Variants in ARHGAP15 observed in about 807,000 individuals in gnomAD.
ARHGAP15 encodes the protein rho GTPase-activating protein 15.
ARHGAP15 carries 51 observed loss-of-function variants against 63.7 expected under a neutral mutation model. The ratio of observed to expected loss-of-function variants is 0.80; its 90% CI spans 0.64 to 1.01. ARHGAP15 has a LOEUF of 1.01. Ranked by LOEUF, ARHGAP15 falls within the 50% of genes least tolerant of loss-of-function variation. ARHGAP15 has a pLI of 0.00. For synonymous variants in ARHGAP15, 191 were observed against 193.8 expected (o/e 0.99, Z 0.12); for missense variants, 560 against 564.6 (o/e 0.99, Z 0.08).
chr2:143,568,389 T>C (rs1696320222), intron 11 of ARHGAP15, among the ~76,000 whole-genome samples: 1 of 152,194 alleles, frequency 6.6e-6, no homozygotes, highest in Non-Finnish European at 1.5e-5. Context: ...AAGACATTCA[T>C]GTAGCCAACA....
At chr2:143,703,712 A>C in intron 13 of ARHGAP15, 188 bp downstream of exon 13, 3 of 482,692 alleles carry the variant, frequency 6.2e-6, no homozygotes. Context: ...CTACAAAAGG[A>C]ACTTCTGAAA....
intron 1 of ARHGAP15, among the ~76,000 whole-genome samples, chr2:143,130,111 TCA>T (rs1688861894): frequency 1.3e-5 from 2 of 152,174 alleles, no homozygotes; most frequent in African/African-American, 4.8e-5. Context: ...AAAAAAGAAG[TCA>T]CAGCTGATTT....
At chr2:143,741,576 T>G (rs1559155676) in intron 13 of ARHGAP15, among the ~76,000 whole-genome samples, 1 of 152,258 alleles carries the variant, frequency 6.6e-6, no homozygotes. Context: ...TAAAAGAGTT[T>G]AGTTTGAAAG....
intron 5 of ARHGAP15, among the ~76,000 whole-genome samples, chr2:143,246,830 T>C (rs1195249312): frequency 3.9e-5 from 6 of 152,114 alleles, no homozygotes; most frequent in Non-Finnish European, 2.9e-5. Context: ...AAATGGAATC[T>C]GTCAGATGAG....
intron 6 of ARHGAP15, among the ~76,000 whole-genome samples, chr2:143,332,368 A>T (rs576142845): frequency 2.0e-4 from 31 of 152,194 alleles, no homozygotes; most frequent in South Asian, 1.9e-3. Flanking sequence ...AAGTACAGAC[A>T]TCCTCATATT....
At chr2:143,244,750 A>C (rs921005503) in intron 5 of ARHGAP15, among the ~76,000 whole-genome samples, 2 of 152,194 alleles carry the variant, frequency 1.3e-5, no homozygotes, top group African/African-American at 4.8e-5. Context: ...TGAACGAAAA[A>C]AGGTCAAAAT....
chr2:143,560,737 A>C (rs1331865661), intron 11 of ARHGAP15, among the ~76,000 whole-genome samples: 1 of 152,274 alleles, frequency 6.6e-6, no homozygotes. Flanking sequence ...GTTAGGAAGA[A>C]GCCTGGCATT....
At chr2:143,216,539 A>G (rs1304520980) in intron 4 of ARHGAP15, 94 bp downstream of exon 4, 2 of 872,726 alleles carry the variant, frequency 2.3e-6, no homozygotes, top group Non-Finnish European at 3.7e-6. Context: ...GCAAGTCCCT[A>G]TGGTACCAGA....
intron 9 of ARHGAP15, 124 bp downstream of exon 9, chr2:143,487,619 C>T (rs892381331): frequency 4.2e-5 from 49 of 1,154,476 alleles, no homozygotes; most frequent in Non-Finnish European, 5.6e-5. Context: ...ATTAAATTTT[C>T]TACTCTGTAA....
intron 2 of ARHGAP15, among the ~76,000 whole-genome samples, chr2:143,175,231 G>A (rs574211710): frequency 2.0e-5 from 3 of 152,116 alleles, no homozygotes; most frequent in Non-Finnish European, 2.9e-5. Context: ...AGCCTGACCC[G>A]AGTGAAAGAA....
chr2:143,277,174 G>A lies in ARHGAP15; in HGVS notation c.474+26574G>A, dbSNP rs922177773. On this transcript the variant is annotated intron_variant, in intron 6 of 13. Transcript: ENST00000295095. The stretch of plus-strand genomic sequence containing the variant: ...TCTAGTATGCCCAGGCAACCTAAGC[G>A]TGGAAATGAATTCATTCTTAGCCAT... Among the ~76,000 whole-genome samples, 11 of 152,010 alleles carry A rather than the reference G, an allele frequency of 7.2e-5. No homozygotes were observed. The East Asian group carries it at 7.8e-4, about 11-fold the overall frequency.
At chr2:143,288,164 C>T (rs887247039) in intron 6 of ARHGAP15, among the ~76,000 whole-genome samples, 15 of 152,262 alleles carry the variant, frequency 9.9e-5, no homozygotes, top group African/African-American at 3.6e-4. Context: ...AAATCGGCCT[C>T]CCATGGTGAC....
chr2:143,566,749 CA>C (rs1209989974), intron 11 of ARHGAP15, among the ~76,000 whole-genome samples: 4 of 152,148 alleles, frequency 2.6e-5, no homozygotes. Context: ...CCCCTTTCCA[CA>C]GTCAGGTCAC....
At chr2:143,735,757 CAA>C (rs374159360) in intron 13 of ARHGAP15, among the ~76,000 whole-genome samples, 1 of 149,716 alleles carries the variant, frequency 6.7e-6, no homozygotes, top group Non-Finnish European at 1.5e-5. Context: ...GACTAGAAGT[CAA>C]AAAAAAATCC....
At chr2:143,421,978 A>AAGCC (rs1426399316) in intron 6 of ARHGAP15, among the ~76,000 whole-genome samples, 4 of 152,052 alleles carry the variant, frequency 2.6e-5, no homozygotes, top group Non-Finnish European at 4.4e-5. Flanking sequence ...AAATGTTTGA[A>AAGCC]AGCCATCACC....
At chr2:143,540,232 G>A (rs545327740) in intron 10 of ARHGAP15, among the ~76,000 whole-genome samples, 1 of 152,002 alleles carries the variant, frequency 6.6e-6, no homozygotes, top group Non-Finnish European at 1.5e-5. Context: ...CCATTTGCTT[G>A]GTAGATCTTC....
chr2:143,169,220 A>G (rs139634451), intron 2 of ARHGAP15, among the ~76,000 whole-genome samples: 106 of 152,182 alleles, frequency 7.0e-4, no homozygotes, highest in African/African-American at 2.5e-3. Context: ...AAATTCTGGC[A>G]TCTGGGGCTG....
chr2:143,662,322 G>GCC (rs1681861271), intron 12 of ARHGAP15, among the ~76,000 whole-genome samples: 1 of 149,068 alleles, frequency 6.7e-6, no homozygotes, highest in Admixed American at 6.7e-5. Flanking sequence ...ACCTCACACG[G>GCC]CAGGGTATTC....
intron 6 of ARHGAP15, among the ~76,000 whole-genome samples, chr2:143,425,954 T>C (rs899696676): frequency 2.0e-5 from 3 of 152,128 alleles, no homozygotes; most frequent in Non-Finnish European, 4.4e-5. Context: ...CCACCTAATA[T>C]TTGTTCCTCT....
Sources: gnomAD v4.1 joint callset for allele counts (sites outside exome capture counted in the v4.1 genomes callset) on GRCh38, gnomAD v4.1.1 for gene constraint, MANE v1.5 for transcripts, NCBI Gene and HGNC (gene_info 2026-07-23, HGNC 2026-07-21) for gene names.